GCNT1: variants seen among roughly 807,000 people sequenced by gnomAD.
GCNT1 encodes the protein glucosaminyl (N-acetyl) transferase 1, also known as beta-1,3-galactosyl-O-glycosyl-glycoprotein beta-1,6-N-acetylglucosaminyltransferase.
A neutral mutation model predicts 26.2 loss-of-function variants in GCNT1; 16 were observed. The observed-to-expected ratio is 0.61, with a 90% confidence interval of 0.41 to 0.93. The LOEUF is 0.93. GCNT1 is among the 40% of genes least tolerant of loss of function. GCNT1 has a pLI of 0.00. For missense variants in GCNT1, 477 were observed against 526.7 expected, an observed-to-expected ratio of 0.91 and a Z score of 0.92; for synonymous variants, 183 against 190.8, an observed-to-expected ratio of 0.96 and a Z score of 0.34.
rs1467107657 is a variant in GCNT1 at position 76,503,162 on chromosome 9, G to T, written c.781G>T (p.Val261Phe). Residue 261 changes from valine to phenylalanine, a missense_variant, in exon 4 of 4, where the codon GTC becomes TTC. Val to Phe is a conservative substitution (Grantham distance 50). Transcript: ENST00000376730. ...AGAAAGGTGGAAGAAGCGGTATGAG[G>T]TCGTTAATGGAAAGCTGACAAACAC... is the stretch of plus-strand genomic sequence containing the variant. ...KEERWKKRYE[V>F]VNGKLTNTGT... 20 of 1,614,072 alleles carry T rather than the reference G, an allele frequency of 1.2e-5. No homozygotes were observed. In the Admixed American group the frequency reaches 3.3e-4, roughly 27 times the overall value.
intron 2 of GCNT1, among the ~76,000 whole-genome samples, chr9:76,467,690 G>T (rs1414994773): frequency 3.3e-5 from 5 of 152,008 alleles, no homozygotes; most frequent in African/African-American, 1.2e-4. Context: ...CTGCTGCCTG[G>T]AGTTTACTGC....
At chr9:76,463,059 C>G (rs1023488363) in intron 2 of GCNT1, among the ~76,000 whole-genome samples, 1 of 152,062 alleles carries the variant, frequency 6.6e-6, no homozygotes, top group African/African-American at 2.4e-5. Flanking sequence ...AAAGGGAGCG[C>G]TACATAATGT....
At position 76,505,145 on chromosome 9, in the gene GCNT1, T is replaced by C. The variant is rs1237673334; in HGVS notation, c.*1477T>C. On this transcript the variant is annotated 3_prime_UTR_variant, in exon 4 of 4. Transcript: ENST00000376730. Reference sequence around the variant, plus strand: ...ATTAGACTTTAAACAAGAATTAAAATCATGTGCTGTATTTTTAAAATCTAG... The same window carrying C: ...ATTAGACTTTAAACAAGAATTAAAACCATGTGCTGTATTTTTAAAATCTAG... 4.9e-6 allele frequency: 2 copies of C among 407,198 alleles called. No individual in the cohort carries two copies. Among genetic ancestry groups the C allele is most frequent in the Non-Finnish European group, 9.0e-6 (2 of 222,802 alleles). The allele number at this position is 407,198 out of a possible 1,614,324, so 25.2% of individuals were successfully genotyped here. A position where few individuals can be genotyped will look rare whatever the true frequency, so the allele number is the denominator to read the frequency against.
intron 2 of GCNT1, among the ~76,000 whole-genome samples, chr9:76,474,135 T>A (rs948445790): frequency 6.6e-6 from 1 of 152,144 alleles, no homozygotes; most frequent in Non-Finnish European, 1.5e-5. Context: ...CAGCCACTAG[T>A]AATCAAAGAA....
chr9:76,400,421 C>T, the GCNT1 span, among the ~76,000 whole-genome samples: 1 of 152,150 alleles, frequency 6.6e-6, no homozygotes, highest in Non-Finnish European at 1.5e-5. Flanking sequence ...TTCTCCCAGC[C>T]TTAGATTTGA....
the GCNT1 span, among the ~76,000 whole-genome samples, chr9:76,411,454 A>G: frequency 6.6e-6 from 1 of 150,940 alleles, no homozygotes; most frequent in African/African-American, 2.4e-5. Flanking sequence ...TCAGCCTTCC[A>G]CATAGCTGAA....
chr9:76,490,952 A>G (rs1338678436), intron 2 of GCNT1, among the ~76,000 whole-genome samples: 1 of 152,268 alleles, frequency 6.6e-6, no homozygotes, highest in African/African-American at 2.4e-5. Context: ...CTTTTGGGCT[A>G]CGCCCTTGTT....
Position 76,503,323 on chromosome 9 carries a change from C to T in GCNT1, c.942C>T (p.Asp314=). 6.2e-7 allele frequency: 1 copy of T among 1,614,104 alleles called. No individual in the cohort carries two copies. The highest frequency in any genetic ancestry group is 1.1e-5 in the South Asian group (1 of 91,082). The change falls in exon 4 of 4, where the codon GAC becomes GAT. Residue 314 remains aspartate, a synonymous_variant. Coordinates refer to ENST00000376730, the MANE Select transcript of GCNT1 (RefSeq NM_001490.5). ...AAAAGTTGATGGAGTGGGCACAAGACACATACAGCCCTGATGAGTATCTCT... is the reference window on the plus strand; with the variant it reads ...AAAAGTTGATGGAGTGGGCACAAGATACATACAGCCCTGATGAGTATCTCT... The part of the protein sequence containing the change: ...KIQKLMEWAQ[D]TYSPDEYLWA...
At chr9:76,394,348 C>A in the GCNT1 span, 1 of 543,994 alleles carries the variant, frequency 1.8e-6, no homozygotes, top group Non-Finnish European at 3.1e-6. Context: ...ATCCCTGACG[C>A]CGCCGACCCA....
At chr9:76,453,024 T>C (rs1823699162) in intron 1 of GCNT1, among the ~76,000 whole-genome samples, 1 of 152,258 alleles carries the variant, frequency 6.6e-6, no homozygotes, top group Non-Finnish European at 1.5e-5. Flanking sequence ...TTCAGTCTGC[T>C]TTCAAATGCA....
upstream of GCNT1, among the ~76,000 whole-genome samples, chr9:76,439,228 T>TC (rs1045596853): frequency 4.2e-5 from 6 of 143,672 alleles, no homozygotes; most frequent in East Asian, 5.9e-4. Context: ...TTTTTCTTTT[T>TC]TTTTTTTTTT....
At chr9:76,403,677 C>T in the GCNT1 span, among the ~76,000 whole-genome samples, 1 of 152,188 alleles carries the variant, frequency 6.6e-6, no homozygotes, top group Non-Finnish European at 1.5e-5. Flanking sequence ...TGAAGCATGG[C>T]TACTGCATTC....
At chr9:76,478,441 A>G (rs1430832487) in intron 2 of GCNT1, among the ~76,000 whole-genome samples, 4 of 152,174 alleles carry the variant, frequency 2.6e-5, no homozygotes, top group Non-Finnish European at 4.4e-5. Flanking sequence ...GAAACTCAGG[A>G]CACATCTGAA....
chr9:76,491,169 T>C (rs1824726362), intron 2 of GCNT1, among the ~76,000 whole-genome samples: 1 of 149,524 alleles, frequency 6.7e-6, no homozygotes, highest in African/African-American at 2.6e-5. Flanking sequence ...CTCTCTCTCT[T>C]TGACTTTGTC....
chr9:76,461,794 CA>C (rs1379703296), intron 2 of GCNT1, among the ~76,000 whole-genome samples: 1 of 145,028 alleles, frequency 6.9e-6, no homozygotes, highest in African/African-American at 2.6e-5. Context: ...GAGGCTGAGG[CA>C]GGATAATTGC....
intron 1 of GCNT1, among the ~76,000 whole-genome samples, chr9:76,424,092 G>A (rs1823231892): frequency 1.3e-5 from 2 of 152,230 alleles, no homozygotes; most frequent in Non-Finnish European, 2.9e-5. Flanking sequence ...TTGCTAAGAA[G>A]CCAGCAGGAG....
upstream of GCNT1, among the ~76,000 whole-genome samples, chr9:76,455,822 C>T (rs1483108074): frequency 6.6e-6 from 1 of 152,160 alleles, no homozygotes; most frequent in African/African-American, 2.4e-5. Flanking sequence ...GGCTGGAACT[C>T]GAACTCCTTA....
chr9:76,491,536 C>G (rs923174400), intron 2 of GCNT1, among the ~76,000 whole-genome samples: 2 of 152,154 alleles, frequency 1.3e-5, no homozygotes, highest in Non-Finnish European at 2.9e-5. Flanking sequence ...TTTTAAGGCT[C>G]GGGTAAGTGC....
At chr9:76,423,791 G>T (rs1172714480) in intron 1 of GCNT1, among the ~76,000 whole-genome samples, 2 of 152,198 alleles carry the variant, frequency 1.3e-5, no homozygotes, top group East Asian at 3.8e-4. Flanking sequence ...TTGATTTAAT[G>T]CCATCATTAA....
Sources: gnomAD v4.1 joint callset for allele counts (sites outside exome capture counted in the v4.1 genomes callset) on GRCh38, gnomAD v4.1.1 for gene constraint, MANE v1.5 for transcripts, NCBI Gene and HGNC (gene_info 2026-07-23, HGNC 2026-07-21) for gene names.